The following ALDH5A1 variants were observed in gnomAD, a reference collection of about 807,000 sequenced individuals.
ALDH5A1 encodes aldehyde dehydrogenase 5 family member A1, also known as succinate-semialdehyde dehydrogenase, mitochondrial.
ALDH5A1 carries 33 observed loss-of-function variants against 54.7 expected under a neutral mutation model. That is an observed-to-expected ratio of 0.60 (90% CI 0.46 to 0.81). The LOEUF (loss-of-function observed/expected upper bound fraction) is 0.81, where lower values mean the gene tolerates loss of function less well. Among genes scored for constraint, ALDH5A1 ranks in the 30% least tolerant of loss-of-function variants. The pLI is 0.00. For missense variants in ALDH5A1, 657 were observed against 711.0 expected, an observed-to-expected ratio of 0.92 and a Z score of 0.86; for synonymous variants, 294 against 292.7, an observed-to-expected ratio of 1.00 and a Z score of -0.05.
chr6:24,508,361 CAAAAAA>C (rs1214819272), intron 4 of ALDH5A1, among the ~76,000 whole-genome samples: 41 of 13,080 alleles, frequency 3.1e-3, no homozygotes, highest in African/African-American at 8.9e-3. Flanking sequence ...ACTCCATCTC[CAAAAAA>C]AAAAAAAAAA....
chr6:24,506,498 G>A (rs1294675491), intron 4 of ALDH5A1, among the ~76,000 whole-genome samples: 2 of 151,600 alleles, frequency 1.3e-5, no homozygotes, highest in South Asian at 2.1e-4. Context: ...TGATCCACCC[G>A]CCTCGGCCTC....
chr6:24,522,065 C>T (rs997236824), intron 6 of ALDH5A1, among the ~76,000 whole-genome samples: 2 of 151,936 alleles, frequency 1.3e-5, no homozygotes, highest in Non-Finnish European at 2.9e-5. Context: ...AGGCTAGTCT[C>T]GAACTCCTGA....
rs776285383 is a variant in ALDH5A1 at position 24,503,243 on chromosome 6, T to G, written c.439-20T>G. 1 of 1,612,536 alleles carries G rather than the reference T, an allele frequency of 6.2e-7. No individual in the cohort carries two copies. On this transcript the variant is annotated intron_variant, in intron 2 of 9. Coordinates refer to ENST00000357578, the MANE Select transcript of ALDH5A1 (RefSeq NM_001080.3). ...TATTATTAGAAGGTAATACGTGGGT[T>G]CTTTTCTGATTTAATTTAGGGAAAG...
chr6:24,514,369 CTTTGA>C (rs1759520913), intron 4 of ALDH5A1, among the ~76,000 whole-genome samples: 1 of 152,180 alleles, frequency 6.6e-6, no homozygotes, highest in Non-Finnish European at 1.5e-5. Context: ...TTGGCATCTC[CTTTGA>C]TTTTTCTCAG....
intron 1 of ALDH5A1, among the ~76,000 whole-genome samples, chr6:24,497,562 T>A (rs765103334): frequency 1.9e-4 from 29 of 152,168 alleles, no homozygotes; most frequent in African/African-American, 7.0e-4. Context: ...ACAATCCTCT[T>A]GTAAGACAGA....
At chr6:24,502,449 T>C in intron 1 of ALDH5A1, 74 bp from the exon 2 acceptor site, 1 of 1,099,848 alleles carries the variant, frequency 9.1e-7, no homozygotes, top group Non-Finnish European at 1.4e-6. Context: ...TATTTTAGGA[T>C]ATTGAATTTT....
At position 24,495,293 on chromosome 6, in the gene ALDH5A1, C is replaced by T. The variant is rs1764673975; in HGVS notation, c.297C>T (p.Arg99=). The T allele has an allele frequency of 3.3e-6, 5 of 1,533,016 alleles. No homozygotes were observed. In the South Asian group the frequency reaches 4.8e-5, roughly 15 times the overall value. 95.0% of individuals were successfully genotyped at this position (1,533,016 alleles called of 1,614,324 possible). ...CCGACTGCGGGGTGCGAGAGGCCCG[C>T]GCCGCCGTGCGCGCTGCCTACGAGG... is the stretch of plus-strand genomic sequence containing the variant. ...MVADCGVREA[R]AAVRAAYEAF... The change falls in exon 1 of 10, where the codon CGC becomes CGT. Residue 99 remains arginine, a synonymous_variant. Transcript: ENST00000357578.
chr6:24,517,481 C>T (rs1360081658), intron 5 of ALDH5A1, among the ~76,000 whole-genome samples: 1 of 152,206 alleles, frequency 6.6e-6, no homozygotes, highest in East Asian at 1.9e-4. Flanking sequence ...AACTTATCCG[C>T]AGAAAGATTC....
rs1411328556 is a variant in ALDH5A1 at position 24,504,857 on chromosome 6, T to C, written c.610-12T>C. 4 of 1,612,532 alleles carry C rather than the reference T, an allele frequency of 2.5e-6. No individual in the cohort carries two copies. The highest frequency in any genetic ancestry group is 3.4e-6 in the Non-Finnish European group (4 of 1,178,648). On this transcript the variant is annotated splice_polypyrimidine_tract_variant and intron_variant, in intron 3 of 9. Transcript: ENST00000357578. ...TTCCTCTCACATACTTCCTCTGCTC[T>C]TCTAACCCCAGTGGAATTTCCCCAG...
At chr6:24,514,247 A>G (rs1236707573) in intron 4 of ALDH5A1, among the ~76,000 whole-genome samples, 3 of 152,334 alleles carry the variant, frequency 2.0e-5, no homozygotes, top group African/African-American at 4.8e-5. Context: ...CCCCTGGGAA[A>G]TCACCTATGG....
At chr6:24,520,742 T>C (rs1029079827) in intron 6 of ALDH5A1, among the ~76,000 whole-genome samples, 198 bp downstream of exon 6, 1 of 152,164 alleles carries the variant, frequency 6.6e-6, no homozygotes, top group Non-Finnish European at 1.5e-5. Flanking sequence ...TCTTTATTCA[T>C]TGACTCTTTC....
intron 9 of ALDH5A1, among the ~76,000 whole-genome samples, chr6:24,533,206 C>G (rs1347176574): frequency 6.6e-6 from 1 of 152,118 alleles, no homozygotes; most frequent in East Asian, 1.9e-4. Context: ...CAGGAGTCAT[C>G]GAAAGGCTTG....
At position 24,528,039 on chromosome 6, in the gene ALDH5A1, G is replaced by T. The variant is rs143741652; in HGVS notation, c.1216G>T (p.Val406Phe). ...VNDAVSKGAT[V>F]VTGGKRHQLG... ...TGATGCCGTTTCTAAAGGTGCCACC[G>T]TTGTGACAGGTGGAAAACGACACCA... Residue 406 changes from valine (V) to phenylalanine (F), a missense_variant, in exon 8 of 10, where the codon GTT (valine) becomes TTT (phenylalanine). Transcript: ENST00000357578. 1.2e-6 allele frequency: 2 copies of T among 1,614,106 alleles called. No homozygotes were observed. Among genetic ancestry groups the T allele is most frequent in the Non-Finnish European group, 1.7e-6 (2 of 1,180,006 alleles).
chr6:24,498,801 T>C (rs1368203765), intron 1 of ALDH5A1, among the ~76,000 whole-genome samples: 2 of 152,028 alleles, frequency 1.3e-5, no homozygotes, highest in Non-Finnish European at 2.9e-5. Flanking sequence ...CTGTCTCTAC[T>C]AAAAATACAA....
intron 8 of ALDH5A1, among the ~76,000 whole-genome samples, chr6:24,529,863 G>T (rs1213416366): frequency 2.0e-5 from 3 of 151,414 alleles, no homozygotes; most frequent in Admixed American, 2.0e-4. Context: ...GTAGAGACAG[G>T]GTTTCGCCAT....
chr6:24,529,499 A>G (rs1759886922), intron 8 of ALDH5A1, among the ~76,000 whole-genome samples: 1 of 152,060 alleles, frequency 6.6e-6, no homozygotes. Context: ...GTTATTGCCA[A>G]GAAATCTGAT....
intron 4 of ALDH5A1, among the ~76,000 whole-genome samples, chr6:24,506,273 T>TTTTTTTTTTTTTTG (rs1390825941): frequency 9.5e-6 from 1 of 105,014 alleles, no homozygotes. Context: ...TTTTTTTTTT[T>TTTTTTTTTTTTTTG]GAGACAGTCT....
chr6:24,525,634 C>G (rs939631030), intron 7 of ALDH5A1, among the ~76,000 whole-genome samples: 3 of 151,970 alleles, frequency 2.0e-5, no homozygotes, highest in Non-Finnish European at 2.9e-5. Context: ...CTTGAACCCA[C>G]GAGGCGGAGG....
At chr6:24,506,655 TATTA>T (rs1415736261) in intron 4 of ALDH5A1, among the ~76,000 whole-genome samples, 2 of 152,216 alleles carry the variant, frequency 1.3e-5, no homozygotes, top group Non-Finnish European at 2.9e-5. Flanking sequence ...TTGTTTTAAA[TATTA>T]ATTTTAATAT....
Sources: allele counts gnomAD v4.1 joint callset (sites outside exome capture counted in the v4.1 genomes callset), GRCh38; gene constraint gnomAD v4.1.1; transcripts MANE v1.5; gene names NCBI Gene and HGNC (gene_info 2026-07-23, HGNC 2026-07-21).